BMPR1B: variants seen among roughly 807,000 people sequenced by gnomAD.
BMPR1B encodes the protein bone morphogenetic protein receptor type-1B.
A neutral mutation model predicts 59.1 loss-of-function variants in BMPR1B; 12 were observed. The observed-to-expected ratio is 0.20, with a 90% CI of 0.13 to 0.33. BMPR1B has a LOEUF of 0.33. Among genes scored for constraint, BMPR1B ranks in the 10% least tolerant of loss-of-function variants. The pLI is 1.00. For synonymous variants in BMPR1B, 237 were observed against 207.3 expected, an observed-to-expected ratio of 1.14 and a Z score of -1.23; for missense variants, 550 against 610.9, an observed-to-expected ratio of 0.90 and a Z score of 1.05.
At chr4:94,890,753 T>C (rs1487714779) in intron 2 of BMPR1B, among the ~76,000 whole-genome samples, 1 of 152,024 alleles carries the variant, frequency 6.6e-6, no homozygotes, top group African/African-American at 2.4e-5. Flanking sequence ...AGACAGTGCA[T>C]GCTCTCTGGT....
chr4:94,965,195 C>G (rs1016811486), intron 2 of BMPR1B, among the ~76,000 whole-genome samples: 4 of 152,096 alleles, frequency 2.6e-5, no homozygotes, highest in Non-Finnish European at 4.4e-5. Context: ...AAGACACATT[C>G]TTGCCATATG....
chr4:94,846,344 A>G (rs957086001), intron 1 of BMPR1B, among the ~76,000 whole-genome samples: 41 of 152,316 alleles, frequency 2.7e-4, no homozygotes, highest in Admixed American at 1.8e-3. Flanking sequence ...ATTGGATTGA[A>G]GGATACAAGG....
intron 3 of BMPR1B, among the ~76,000 whole-genome samples, chr4:95,072,446 T>C (rs1025447166): frequency 6.6e-6 from 1 of 152,194 alleles, no homozygotes; most frequent in Non-Finnish European, 1.5e-5. Context: ...ATCTTAGGCT[T>C]AGCTCTAGGG....
chr4:95,029,730 A>C (rs1382099822), intron 3 of BMPR1B, among the ~76,000 whole-genome samples: 1 of 152,164 alleles, frequency 6.6e-6, no homozygotes, highest in South Asian at 2.1e-4. Context: ...CAGTCCCACC[A>C]ACAGTGTAAA....
chr4:95,130,446 T>C (rs1579129206), intron 9 of BMPR1B, among the ~76,000 whole-genome samples: 1 of 152,186 alleles, frequency 6.6e-6, no homozygotes, highest in Admixed American at 6.5e-5. Flanking sequence ...GAATTGATTT[T>C]GTTTCGCAAG....
At chr4:94,955,998 G>T (rs1004630672) in intron 2 of BMPR1B, among the ~76,000 whole-genome samples, 10 of 152,086 alleles carry the variant, frequency 6.6e-5, no homozygotes, top group Admixed American at 6.6e-4. Flanking sequence ...TATAAATGAG[G>T]AATCAGATGT....
At chr4:94,763,107 A>G (rs1159243679) in intron 1 of BMPR1B, among the ~76,000 whole-genome samples, 3 of 152,180 alleles carry the variant, frequency 2.0e-5, no homozygotes, top group Admixed American at 6.5e-5. Flanking sequence ...TTCCTGGACT[A>G]CACTGAGACG....
chr4:95,017,313 A>G (rs766080905), intron 3 of BMPR1B, among the ~76,000 whole-genome samples: 7 of 152,204 alleles, frequency 4.6e-5, no homozygotes, highest in Admixed American at 6.5e-5. Flanking sequence ...GTGCTGAACT[A>G]CTGCTGCCTT....
intron 4 of BMPR1B, among the ~76,000 whole-genome samples, chr4:95,105,268 T>C (rs924706837): frequency 1.4e-4 from 21 of 152,154 alleles, no homozygotes; most frequent in South Asian, 2.1e-4. Flanking sequence ...ATGAGGCCAG[T>C]GTGTGCCAAG....
chr4:95,129,502 G>A (rs928126028), intron 8 of BMPR1B, among the ~76,000 whole-genome samples: 4 of 152,026 alleles, frequency 2.6e-5, no homozygotes, highest in Non-Finnish European at 5.9e-5. Flanking sequence ...TAGGTGTATG[G>A]TGACGAGTCT....
intron 1 of BMPR1B, among the ~76,000 whole-genome samples, chr4:94,844,923 G>A (rs989373213): frequency 6.6e-6 from 1 of 152,154 alleles, no homozygotes; most frequent in Non-Finnish European, 1.5e-5. Context: ...CCAGACCCTG[G>A]CAGCCAAATA....
At chr4:95,082,539 A>G (rs2149236848) in intron 3 of BMPR1B, among the ~76,000 whole-genome samples, 1 of 152,264 alleles carries the variant, frequency 6.6e-6, no homozygotes, top group Middle Eastern at 3.4e-3. Context: ...TAGGGGATAA[A>G]TGATTACATC....
At chr4:94,899,577 G>T (rs903042150) in intron 2 of BMPR1B, among the ~76,000 whole-genome samples, 1 of 151,506 alleles carries the variant, frequency 6.6e-6, no homozygotes, top group African/African-American at 2.4e-5. Context: ...GAAGGCTTCC[G>T]ATAGTATTAT....
At chr4:94,781,578 A>T (rs1033220203) in intron 1 of BMPR1B, among the ~76,000 whole-genome samples, 2 of 151,762 alleles carry the variant, frequency 1.3e-5, no homozygotes, top group African/African-American at 4.8e-5. Context: ...CACCTGGCTA[A>T]TTTTTGTATT....
rs28867373 is a variant in BMPR1B at position 94,837,331 on chromosome 4, A to G, written c.-182-38500A>G. 7.7e-3 allele frequency among the ~76,000 whole-genome samples: 1,144 copies of G among 147,758 alleles called. 56 individuals carry two copies. Among genetic ancestry groups the G allele is most frequent in the African/African-American group, 0.027 (1,097 of 39,988 alleles). On this transcript the variant is annotated intron_variant, in intron 1 of 12. Coordinates refer to ENST00000515059, the MANE Select transcript of BMPR1B (RefSeq NM_001203.3). ...GGTAGCTTGATGAGGATGGCACTGA[A>G]TCTGTAAATTACCTTGGGCAGTATG...
intron 3 of BMPR1B, among the ~76,000 whole-genome samples, chr4:95,087,048 A>G (rs1222610203): frequency 8.2e-6 from 1 of 122,204 alleles, no homozygotes; most frequent in Admixed American, 1.0e-4. Context: ...TCTGTCACCC[A>G]GGCTGGAGTG....
intron 3 of BMPR1B, among the ~76,000 whole-genome samples, chr4:95,070,043 G>C (rs963641290): frequency 7.9e-5 from 12 of 152,232 alleles, no homozygotes; most frequent in African/African-American, 2.9e-4. Flanking sequence ...AGGTTGCCAT[G>C]AGCCAAGATT....
At chr4:94,802,722 T>A (rs1723455733) in intron 1 of BMPR1B, among the ~76,000 whole-genome samples, 1 of 152,206 alleles carries the variant, frequency 6.6e-6, no homozygotes, top group African/African-American at 2.4e-5. Context: ...GTATAATTGA[T>A]CTGGACTTTC....
chr4:94,877,454 AT>A (rs1365849516), intron 2 of BMPR1B, among the ~76,000 whole-genome samples: 1 of 152,246 alleles, frequency 6.6e-6, no homozygotes, highest in Non-Finnish European at 1.5e-5. Flanking sequence ...TAGGGTTGGC[AT>A]TTCCTGTTAG....
Sources: allele counts gnomAD v4.1 joint callset (sites outside exome capture counted in the v4.1 genomes callset), GRCh38; gene constraint gnomAD v4.1.1; transcripts MANE v1.5; gene names NCBI Gene and HGNC (gene_info 2026-07-23, HGNC 2026-07-21).